KCNMB2: variants seen among roughly 807,000 people sequenced by gnomAD.
KCNMB2 encodes the protein potassium calcium-activated channel subfamily M regulatory beta subunit 2.
A neutral mutation model predicts 24.5 loss-of-function variants in KCNMB2; 9 were observed. That is an observed-to-expected ratio of 0.37 (90% CI 0.22 to 0.64). The LOEUF (loss-of-function observed/expected upper bound fraction) is 0.64. Ranked by LOEUF, KCNMB2 falls within the 30% of genes least tolerant of loss-of-function variation. KCNMB2 has a pLI of 0.63. For missense variants in KCNMB2, 226 were observed against 284.3 expected (o/e 0.79, Z 1.47); for synonymous variants, 109 against 104.4 (o/e 1.04, Z -0.27).
chr3:178,597,285 G>A (rs1393187171), intron 1 of KCNMB2, among the ~76,000 whole-genome samples: 1 of 152,086 alleles, frequency 6.6e-6, no homozygotes, highest in Non-Finnish European at 1.5e-5. Context: ...TGTTGATTGT[G>A]ATGTTAATAG....
At chr3:178,681,151 A>T (rs1721257464) in intron 1 of KCNMB2, among the ~76,000 whole-genome samples, 1 of 152,198 alleles carries the variant, frequency 6.6e-6, no homozygotes, top group South Asian at 2.1e-4. Flanking sequence ...AGACTCTGGG[A>T]GTCAGAGGCC....
At chr3:178,679,925 G>A (rs1721207699) in intron 1 of KCNMB2, among the ~76,000 whole-genome samples, 1 of 151,904 alleles carries the variant, frequency 6.6e-6, no homozygotes, top group South Asian at 2.1e-4. Context: ...TTCACAAAGT[G>A]CTCTGTCCTC....
intron 1 of KCNMB2, among the ~76,000 whole-genome samples, chr3:178,615,990 T>A (rs2108521650): frequency 6.6e-6 from 1 of 152,220 alleles, no homozygotes; most frequent in South Asian, 2.1e-4. Flanking sequence ...AATGGGAACT[T>A]CACGACTCTG....
chr3:178,819,488 C>T (rs796826298), intron 2 of KCNMB2, among the ~76,000 whole-genome samples: 13 of 152,166 alleles, frequency 8.5e-5, no homozygotes, highest in African/African-American at 3.1e-4. Flanking sequence ...CTCCAGTCTC[C>T]CTTCCTCTCT....
At chr3:178,568,893 TA>T (rs779859223) in intron 1 of KCNMB2, among the ~76,000 whole-genome samples, 4 of 126,476 alleles carry the variant, frequency 3.2e-5, no homozygotes, top group African/African-American at 6.5e-5. Context: ...GATAGATAGA[TA>T]GATAGATGGA....
At chr3:178,693,137 A>C (rs947912252) in intron 1 of KCNMB2, among the ~76,000 whole-genome samples, 5 of 152,226 alleles carry the variant, frequency 3.3e-5, no homozygotes, top group African/African-American at 1.2e-4. Context: ...TATCAGCTTA[A>C]GAAGCATTTA....
At chr3:178,764,185 T>C (rs1387549783) in intron 1 of KCNMB2, among the ~76,000 whole-genome samples, 1 of 152,220 alleles carries the variant, frequency 6.6e-6, no homozygotes, top group Non-Finnish European at 1.5e-5. Context: ...CACATTTTGA[T>C]CTTTGTGCAA....
intron 1 of KCNMB2, among the ~76,000 whole-genome samples, chr3:178,722,542 A>G (rs1034146003): frequency 3.9e-5 from 6 of 152,172 alleles, no homozygotes; most frequent in Admixed American, 2.0e-4. Flanking sequence ...TACTCCAGAG[A>G]TAACGACATT....
At chr3:178,835,889 T>C (rs1220334737) in intron 4 of KCNMB2, among the ~76,000 whole-genome samples, 1 of 152,202 alleles carries the variant, frequency 6.6e-6, no homozygotes, top group Non-Finnish European at 1.5e-5. Context: ...TCTGTTTCGC[T>C]ATACATTCTA....
At chr3:178,605,445 T>C in intron 1 of KCNMB2, among the ~76,000 whole-genome samples, 1 of 152,190 alleles carries the variant, frequency 6.6e-6, no homozygotes, top group East Asian at 1.9e-4. Flanking sequence ...CTGTAACAAA[T>C]ACCTTAAAAC....
chr3:178,548,030 C>G (rs1560105068), intron 1 of KCNMB2, among the ~76,000 whole-genome samples: 1 of 152,168 alleles, frequency 6.6e-6, no homozygotes, highest in Admixed American at 6.5e-5. Context: ...TTCAAAATAT[C>G]TTTTGTTTCT....
chr3:178,758,060 CTCCAAGAGGATATATATATATA>C (rs1724236324), intron 1 of KCNMB2, among the ~76,000 whole-genome samples: 2 of 33,012 alleles, frequency 6.1e-5, no homozygotes, highest in Non-Finnish European at 1.0e-4. Context: ...ATATATATAT[CTCCAAGAGGATATATATATATA>C]CACAAGAGGA....
chr3:178,703,907 G>A (rs919559573), intron 1 of KCNMB2, among the ~76,000 whole-genome samples: 7 of 152,096 alleles, frequency 4.6e-5, no homozygotes, highest in African/African-American at 1.7e-4. Flanking sequence ...TTAAATGATA[G>A]CATAAAGTAA....
At chr3:178,654,884 T>C (rs1216074229) in intron 1 of KCNMB2, among the ~76,000 whole-genome samples, 1 of 152,184 alleles carries the variant, frequency 6.6e-6, no homozygotes, top group East Asian at 1.9e-4. Flanking sequence ...CTCTGCTTAT[T>C]TGCTGTGTTA....
chr3:178,586,093 T>G (rs563067480), intron 1 of KCNMB2, among the ~76,000 whole-genome samples: 1 of 152,326 alleles, frequency 6.6e-6, no homozygotes, highest in South Asian at 2.1e-4. Flanking sequence ...CCCTGTCTCT[T>G]GCTCTTTGCC....
chr3:178,814,055 A>G (rs1284331626), intron 2 of KCNMB2, among the ~76,000 whole-genome samples: 1 of 152,056 alleles, frequency 6.6e-6, no homozygotes, highest in African/African-American at 2.4e-5. Context: ...ATATGGGCAT[A>G]TTGAGTAATA....
At chr3:178,614,247 T>TTATATATATATATATATATATATATA (rs776751246) in intron 1 of KCNMB2, among the ~76,000 whole-genome samples, 16 of 53,470 alleles carry the variant, frequency 3.0e-4, no homozygotes, top group Non-Finnish European at 4.0e-4. Context: ...TGGGCTAATT[T>TTATATATATATATATATATATATATA]TATATATATA....
Position 178,578,104 on chromosome 3 carries a change from G to C in KCNMB2, c.-68+41393G>C, listed in dbSNP as rs373436797. ...GATTCACCAAGGTTAAAATGAAGGA[G>C]AAAATGTTAAGGGCAGCCAGAGAGA... On this transcript the variant is annotated intron_variant, in intron 1 of 4. Coordinates refer to ENST00000452583, the MANE Select transcript of KCNMB2 (RefSeq NM_181361.3). 1.2e-4 allele frequency among the ~76,000 whole-genome samples: 19 copies of C among 152,228 alleles called. No homozygotes were observed. In the East Asian group the frequency reaches 2.9e-3, roughly 23 times the overall value.
chr3:178,781,879 C>G (rs6769974), intron 1 of KCNMB2, among the ~76,000 whole-genome samples: 3 of 145,174 alleles, frequency 2.1e-5, no homozygotes, highest in African/African-American at 7.7e-5. Flanking sequence ...CATGCTGGTG[C>G]GCTGCACCCA....
Sources: allele counts gnomAD v4.1 joint callset (sites outside exome capture counted in the v4.1 genomes callset), GRCh38; gene constraint gnomAD v4.1.1; transcripts MANE v1.5; gene names NCBI Gene and HGNC (gene_info 2026-07-23, HGNC 2026-07-21).